The following SAXO2 variants were observed in gnomAD, a reference collection of about 807,000 sequenced individuals.
SAXO2 encodes family with sequence similarity 154, member B.
A neutral mutation model predicts 18.7 loss-of-function variants in SAXO2; 17 were observed. That is an observed-to-expected ratio of 0.91 (90% CI 0.62 to 1.36). The LOEUF is 1.36. SAXO2 is among the 40% of genes most tolerant of loss of function. The probability of loss-of-function intolerance (pLI) is 0.00; values close to 1 mark genes in which losing one functional copy is unlikely to be tolerated. For missense variants in SAXO2, 486 were observed against 562.6 expected (o/e 0.86, Z 1.38); for synonymous variants, 163 against 181.2 (o/e 0.90, Z 0.81).
At chr15:82,263,178 A>C in intron 1 of SAXO2, 1 of 1,450,558 alleles carries the variant, frequency 6.9e-7, no homozygotes, top group African/African-American at 1.4e-5. Flanking sequence ...GTAAAATGCC[A>C]CCCGGGCCAG....
At chr15:82,270,200 A>G (rs1183762473) in intron 2 of SAXO2, among the ~76,000 whole-genome samples, 1 of 152,186 alleles carries the variant, frequency 6.6e-6, no homozygotes, top group Non-Finnish European at 1.5e-5. Flanking sequence ...AGGAGTGAAC[A>G]GTGGATGAGA....
In SAXO2 at chr15:82,275,281, C is replaced by CAAAAAAA. The variant is rs756023248; in HGVS notation, c.433+3498_433+3504dup. Among the ~76,000 whole-genome samples, 32 of 45,898 alleles carry CAAAAAAA rather than the reference C, an allele frequency of 7.0e-4. 1 individual carries two copies. Among genetic ancestry groups the CAAAAAAA allele is most frequent in the Admixed American group, 1.1e-3 (4 of 3,662 alleles). 30.1% of individuals were successfully genotyped at this position (45,898 alleles called of 152,430 possible). On this transcript the variant is annotated intron_variant, in intron 3 of 3. Coordinates refer to ENST00000682753, the MANE Select transcript of SAXO2 (RefSeq NM_001348699.2). ...AATCAGTAGTAAGAAACCTATCAACCAAAAAAAAAAAAAAAAAAAAAAAAA... is the reference window on the plus strand; with the variant it reads ...AATCAGTAGTAAGAAACCTATCAACCAAAAAAAAAAAAAAAAAAAAAAAAAAAAAAAA...
chr15:82,262,824 G>T lies in SAXO2; in HGVS notation c.-56G>T. 6.5e-7 allele frequency: 1 copy of T among 1,545,798 alleles called. No homozygotes were observed. Among genetic ancestry groups the T allele is most frequent in the South Asian group, 1.2e-5 (1 of 83,662 alleles). ...GGCATCCCTCTGTTGCCTTGACTAC[G>T]GCGGGCGCTGTGGGAGTGGAGAAGC... On this transcript the variant is annotated 5_prime_UTR_variant, in exon 1 of 4. Transcript: ENST00000682753.
intron 1 of SAXO2, among the ~76,000 whole-genome samples, chr15:82,264,416 T>G (rs2075190048): frequency 6.6e-6 from 1 of 151,912 alleles, no homozygotes; most frequent in Non-Finnish European, 1.5e-5. Flanking sequence ...AGCATACTAT[T>G]CTACAATCCG....
intron 3 of SAXO2, among the ~76,000 whole-genome samples, chr15:82,278,605 ATTCTT>A (rs1567093718): frequency 6.6e-6 from 1 of 152,230 alleles, no homozygotes; most frequent in Admixed American, 6.5e-5. Context: ...CAGAATATAC[ATTCTT>A]TTCAAGTGCA....
At chr15:82,275,618 C>A (rs981777364) in intron 3 of SAXO2, among the ~76,000 whole-genome samples, 5 of 152,110 alleles carry the variant, frequency 3.3e-5, no homozygotes, top group African/African-American at 9.7e-5. Context: ...AAGGATGGTC[C>A]AACATATGCA....
rs767773749 is a variant in SAXO2, at chr15:82,265,577, A to G, written c.62A>G (p.His21Arg). The change falls in exon 2 of 4, where the codon CAT (histidine) becomes CGT (arginine). Residue 21 changes from histidine (H) to arginine (R), a missense_variant. Transcript: ENST00000682753. ...GTTTATTTTTTGCACAGGCGACATC[A>G]TTGTCCACGTGGAACCACAAGGATT... is the stretch of plus-strand genomic sequence containing the variant. ...LCQICSCGRH[H>R]CPRGTTRIYE... The G allele has an allele frequency of 1.0e-5, 14 of 1,347,912 alleles. No individual in the cohort carries two copies. The highest frequency in any genetic ancestry group is 1.3e-5 in the Non-Finnish European group (14 of 1,051,912). 83.5% of individuals were successfully genotyped at this position (1,347,912 alleles called of 1,614,324 possible). A position where few individuals can be genotyped will look rare whatever the true frequency, so the allele number is the denominator to read the frequency against.
intron 3 of SAXO2, 108 bp downstream of exon 3, chr15:82,271,910 A>G (rs2075275744): frequency 2.2e-6 from 2 of 901,106 alleles, no homozygotes; most frequent in East Asian, 2.6e-5. Context: ...CTTAGCCTCC[A>G]TGGCTTAGGA....
intron 3 of SAXO2, among the ~76,000 whole-genome samples, chr15:82,278,018 A>C (rs1196285200): frequency 6.6e-6 from 1 of 151,912 alleles, no homozygotes; most frequent in African/African-American, 2.4e-5. Context: ...TTTTTGCAAA[A>C]GAAAAAAAAA....
intron 3 of SAXO2, among the ~76,000 whole-genome samples, chr15:82,274,206 C>T (rs2075296004): frequency 6.6e-6 from 1 of 152,022 alleles, no homozygotes; most frequent in South Asian, 2.1e-4. Flanking sequence ...CTGATACTTC[C>T]ACTCCTATGG....
intron 3 of SAXO2, among the ~76,000 whole-genome samples, chr15:82,278,747 GA>G (rs1256099398): frequency 2.0e-5 from 3 of 151,864 alleles, no homozygotes; most frequent in Non-Finnish European, 2.9e-5. Context: ...ATCAATAATA[GA>G]AAAAAATGTG....
At chr15:82,266,938 TA>T (rs2075223948) in intron 2 of SAXO2, among the ~76,000 whole-genome samples, 1 of 152,244 alleles carries the variant, frequency 6.6e-6, no homozygotes, top group South Asian at 2.1e-4. Context: ...CATTTGGACT[TA>T]CCTTTTTTGA....
At position 82,265,756 on chromosome 15, in the gene SAXO2, T is replaced by C. The variant is rs2075211331; in HGVS notation, c.233+8T>C. ...AGGAATAACTACATTTAAGTAAATA[T>C]TTAGTAACTATTTGCTTTACTTATT... is the stretch of plus-strand genomic sequence containing the variant. On this transcript the variant is annotated splice_region_variant and intron_variant, in intron 2 of 3. Transcript: ENST00000682753. The C allele has an allele frequency of 6.6e-7, 1 of 1,514,044 alleles. No individual in the cohort carries two copies. The highest frequency in any genetic ancestry group is 8.8e-7 in the Non-Finnish European group (1 of 1,136,364). 93.8% of individuals were successfully genotyped at this position (1,514,044 alleles called of 1,614,324 possible). A position where few individuals can be genotyped will look rare whatever the true frequency, so the allele number is the denominator to read the frequency against.
intron 3 of SAXO2, among the ~76,000 whole-genome samples, chr15:82,273,834 T>A (rs574090463): frequency 3.3e-5 from 5 of 152,032 alleles, no homozygotes; most frequent in African/African-American, 1.2e-4. Context: ...GCCTCCCGGG[T>A]TCAAGTAATT....
rs183277136 is a variant in SAXO2, at chr15:82,280,973, G to T, written c.434-1146G>T. Among the ~76,000 whole-genome samples the T allele has an allele frequency of 1.4e-4, 21 of 152,286 alleles. No homozygotes were observed. In the East Asian group the frequency reaches 4.1e-3, roughly 29 times the overall value. ...AGTCCAATACTTGGCCATTTTGGCA[G>T]AAATGGATACGCATTTTTTCTCTTC... On this transcript the variant is annotated intron_variant, in intron 3 of 3. Transcript: ENST00000682753.
At chr15:82,275,005 A>T (rs761421642) in intron 3 of SAXO2, among the ~76,000 whole-genome samples, 1 of 151,874 alleles carries the variant, frequency 6.6e-6, no homozygotes, top group South Asian at 2.1e-4. Context: ...TTTTGAAAAG[A>T]TAAGATTGAT....
intron 3 of SAXO2, among the ~76,000 whole-genome samples, chr15:82,275,303 A>AAAAT: frequency 6.7e-6 from 1 of 150,188 alleles, no homozygotes; most frequent in Admixed American, 6.6e-5. Flanking sequence ...AAAAAAAAAA[A>AAAAT]AAATGCCCCA....
At chr15:82,277,451 TAAA>T (rs1195947722) in intron 3 of SAXO2, among the ~76,000 whole-genome samples, 2 of 151,972 alleles carry the variant, frequency 1.3e-5, no homozygotes, top group Non-Finnish European at 2.9e-5. Context: ...CAAGAAGAAA[TAAA>T]AAGTCAAAAT....
At chr15:82,263,468 T>A (rs936757677) in intron 1 of SAXO2, 1 of 702,208 alleles carries the variant, frequency 1.4e-6, no homozygotes, top group Admixed American at 2.0e-5. Context: ...AAATCTAGAA[T>A]CCAACTGTGA....
Sources: gnomAD v4.1 joint callset for allele counts (sites outside exome capture counted in the v4.1 genomes callset) on GRCh38, gnomAD v4.1.1 for gene constraint, MANE v1.5 for transcripts, NCBI Gene and HGNC (gene_info 2026-07-23, HGNC 2026-07-21) for gene names.